Variants in INTU observed in about 807,000 individuals in gnomAD.
INTU encodes inturned planar cell polarity protein.
A neutral mutation model predicts 100.5 loss-of-function variants in INTU; 68 were observed. The ratio of observed to expected loss-of-function variants is 0.68; its 90% CI spans 0.56 to 0.83. The LOEUF (loss-of-function observed/expected upper bound fraction) is 0.83, where lower values mean the gene tolerates loss of function less well. Ranked by LOEUF, INTU falls within the 40% of genes least tolerant of loss-of-function variation. The pLI is 0.00. For synonymous variants in INTU, 357 were observed against 395.7 expected, an observed-to-expected ratio of 0.90 and a Z score of 1.16; for missense variants, 1,071 against 1,114.7, an observed-to-expected ratio of 0.96 and a Z score of 0.56.
At chr4:127,655,480 C>G (rs577062716) in intron 2 of INTU, among the ~76,000 whole-genome samples, 1 of 150,926 alleles carries the variant, frequency 6.6e-6, no homozygotes, top group East Asian at 1.9e-4. Context: ...GAATACCCTG[C>G]CGTGTGAGGT....
At chr4:127,679,524 A>C (rs1368459387) in intron 6 of INTU, among the ~76,000 whole-genome samples, 1 of 152,248 alleles carries the variant, frequency 6.6e-6, no homozygotes, top group Non-Finnish European at 1.5e-5. Flanking sequence ...AATGAAATGA[A>C]GGCAGAAATA....
chr4:127,665,826 G>T (rs1219354513), intron 4 of INTU, among the ~76,000 whole-genome samples: 1 of 152,134 alleles, frequency 6.6e-6, no homozygotes, highest in Non-Finnish European at 1.5e-5. Flanking sequence ...ATGTTCCACT[G>T]GGTAGAATTA....
At chr4:127,656,486 T>C in intron 2 of INTU, 150 bp from the exon 3 acceptor site, 1 of 529,956 alleles carries the variant, frequency 1.9e-6, no homozygotes, top group Non-Finnish European at 3.4e-6. Flanking sequence ...ACCAATGAGC[T>C]GTATAAACCT....
intron 10 of INTU, among the ~76,000 whole-genome samples, chr4:127,705,164 G>C (rs1730825514): frequency 6.6e-6 from 1 of 151,482 alleles, no homozygotes; most frequent in Non-Finnish European, 1.5e-5. Context: ...GTAAAGCAAA[G>C]CATCAAATGA....
chr4:127,658,759 A>G (rs1728346797), intron 3 of INTU, among the ~76,000 whole-genome samples: 1 of 152,214 alleles, frequency 6.6e-6, no homozygotes, highest in African/African-American at 2.4e-5. Context: ...AGAGAAAGAA[A>G]TTAGGATTTA....
Position 127,665,924 on chromosome 4 carries a change from C to T in INTU, c.972+2340C>T, listed in dbSNP as rs142111718. Among the ~76,000 whole-genome samples, 1,281 of 152,216 alleles carry T rather than the reference C, an allele frequency of 8.4e-3. 14 individuals are homozygous for T. The highest frequency in any genetic ancestry group is 9.4e-3 in the Non-Finnish European group (640 of 67,998). On this transcript the variant is annotated intron_variant, in intron 4 of 15. Transcript: ENST00000335251. The stretch of plus-strand genomic sequence containing the variant: ...AAGATCAAGTGAATACGTGGGATTG[C>T]TTGTGCCACCTAAGTAGATAGTTAT...
chr4:127,657,294 C>G (rs747615313), intron 3 of INTU, among the ~76,000 whole-genome samples: 1 of 151,952 alleles, frequency 6.6e-6, no homozygotes, highest in Non-Finnish European at 1.5e-5. Context: ...CATTGTGTAT[C>G]GTAGATGATG....
Position 127,655,860 on chromosome 4 carries a change from C to T in INTU, c.683-776C>T, listed in dbSNP as rs1255417757. Among the ~76,000 whole-genome samples the T allele has an allele frequency of 4.6e-5, 7 of 152,316 alleles. No homozygotes were observed. In the East Asian group the frequency reaches 5.8e-4, roughly 13 times the overall value. Reference sequence around the variant, plus strand: ...TGCAGTTTGATCTCAGACTGCTGTGCTAGCAATCAGCGAGACTCCGTGGGC... The same window carrying T: ...TGCAGTTTGATCTCAGACTGCTGTGTTAGCAATCAGCGAGACTCCGTGGGC... On this transcript the variant is annotated intron_variant, in intron 2 of 15. Coordinates refer to ENST00000335251, the MANE Select transcript of INTU (RefSeq NM_015693.4).
At chr4:127,699,441 T>G (rs1730546328) in intron 8 of INTU, 1 of 152,194 alleles carries the variant, frequency 6.6e-6, no homozygotes, top group Admixed American at 6.5e-5. Context: ...AGAGGAACAC[T>G]TGCCTTCGTG....
chr4:127,663,318 T>C, intron 3 of INTU, 63 bp from the exon 4 acceptor site: 1 of 1,197,828 alleles, frequency 8.3e-7, no homozygotes, highest in South Asian at 1.3e-5. Context: ...AGATCCTTCA[T>C]TGTGAAAACT....
chr4:127,690,671 G>GT (rs1034584213), intron 8 of INTU, among the ~76,000 whole-genome samples: 2 of 152,052 alleles, frequency 1.3e-5, no homozygotes, highest in South Asian at 2.1e-4. Context: ...AACATTTGAA[G>GT]TTTTTTTTAT....
At chr4:127,679,471 A>T (rs1729409609) in intron 6 of INTU, among the ~76,000 whole-genome samples, 1 of 152,248 alleles carries the variant, frequency 6.6e-6, no homozygotes, top group African/African-American at 2.4e-5. Flanking sequence ...GCTCAACTGC[A>T]TGGAAACTGA....
At chr4:127,683,631 G>A (rs1462119604) in intron 6 of INTU, among the ~76,000 whole-genome samples, 1 of 152,056 alleles carries the variant, frequency 6.6e-6, no homozygotes, top group East Asian at 1.9e-4. Context: ...TTTAGGGTGG[G>A]GCACATGATC....
rs118033956 is a variant in INTU at position 127,662,496 on chromosome 4, G to T, written c.769-885G>T. Among the ~76,000 whole-genome samples the T allele has an allele frequency of 7.1e-4, 108 of 152,174 alleles. No homozygotes were observed. The East Asian group carries it at 0.017, about 24-fold the overall frequency. Reference sequence around the variant, plus strand: ...TTCTATGTGTGGCTATCCAATTTTGGTACTTCTTTGAAATGAACGAGTTAT... The same window carrying T: ...TTCTATGTGTGGCTATCCAATTTTGTTACTTCTTTGAAATGAACGAGTTAT... On this transcript the variant is annotated intron_variant, in intron 3 of 15. Coordinates refer to ENST00000335251, the MANE Select transcript of INTU (RefSeq NM_015693.4).
intron 12 of INTU, among the ~76,000 whole-genome samples, chr4:127,707,392 CAAAA>C (rs71587331): frequency 9.0e-5 from 4 of 44,584 alleles, no homozygotes; most frequent in African/African-American, 9.6e-5. Context: ...GACTCTGTCT[CAAAA>C]AAAAAAAAAA....
chr4:127,640,833 A>G (rs759400303), intron 1 of INTU, among the ~76,000 whole-genome samples: 3 of 151,824 alleles, frequency 2.0e-5, no homozygotes, highest in Non-Finnish European at 4.4e-5. Context: ...GAATAACCCT[A>G]TATGTGTTTT....
At chr4:127,683,492 T>C (rs1048455016) in intron 6 of INTU, among the ~76,000 whole-genome samples, 4 of 152,228 alleles carry the variant, frequency 2.6e-5, no homozygotes, top group Non-Finnish European at 5.9e-5. Flanking sequence ...ACATTTTGCA[T>C]GTGCTTTGTA....
intron 6 of INTU, chr4:127,683,839 T>G (rs1019138295): frequency 1.3e-5 from 2 of 152,184 alleles, no homozygotes; most frequent in African/African-American, 4.8e-5. Context: ...GTTTACTTAT[T>G]TGTATAATGG....
intron 2 of INTU, among the ~76,000 whole-genome samples, chr4:127,645,973 A>G (rs1424877595): frequency 6.6e-6 from 1 of 151,970 alleles, no homozygotes; most frequent in Admixed American, 6.5e-5. Flanking sequence ...ACTTGAGGCC[A>G]GGAGTTTGAG....
Sources: gnomAD v4.1 joint callset for allele counts (sites outside exome capture counted in the v4.1 genomes callset) on GRCh38, gnomAD v4.1.1 for gene constraint, MANE v1.5 for transcripts, NCBI Gene and HGNC (gene_info 2026-07-23, HGNC 2026-07-21) for gene names.